Variants in BSPRY observed in about 807,000 individuals in gnomAD.
BSPRY encodes the protein B box and SPRY domain-containing protein.
Under a neutral mutation model 38.0 loss-of-function variants are expected in BSPRY, and 33 were observed. The ratio of observed to expected loss-of-function variants is 0.87; its 90% confidence interval spans 0.66 to 1.16. The LOEUF is 1.16. Ranked by LOEUF, BSPRY falls within the 50% of genes most tolerant of loss-of-function variation. The probability of loss-of-function intolerance (pLI) is 0.00; values close to 1 mark genes in which losing one functional copy is unlikely to be tolerated. For missense variants in BSPRY, 523 were observed against 533.2 expected, an observed-to-expected ratio of 0.98 and a Z score of 0.19; for synonymous variants, 224 against 228.5, an observed-to-expected ratio of 0.98 and a Z score of 0.18.
chr9:113,360,448 T>C (rs1357493059), intron 2 of BSPRY, 59 bp from the exon 3 acceptor site: 2 of 1,517,938 alleles, frequency 1.3e-6, no homozygotes, highest in Non-Finnish European at 1.8e-6. Context: ...CTAAACCCTC[T>C]TAAATCCTGA....
chr9:113,358,804 A>C (rs1214886918), intron 2 of BSPRY, among the ~76,000 whole-genome samples: 1 of 152,190 alleles, frequency 6.6e-6, no homozygotes, highest in African/African-American at 2.4e-5. Flanking sequence ...ATCCAGGATC[A>C]CACAGTACAA....
At chr9:113,351,083 G>A (rs1446312866) in intron 1 of BSPRY, among the ~76,000 whole-genome samples, 2 of 152,184 alleles carry the variant, frequency 1.3e-5, no homozygotes, top group Non-Finnish European at 2.9e-5. Flanking sequence ...GAGGGAGGAA[G>A]TGATGCTAAT....
chr9:113,354,288 A>G lies in BSPRY; in HGVS notation c.250A>G (p.Ile84Val), dbSNP rs762404330. Residue 84 changes from isoleucine (I) to valine (V), a missense_variant, in exon 2 of 6, where the codon ATC (isoleucine) becomes GTC (valine). Coordinates refer to ENST00000374183, the MANE Select transcript of BSPRY (RefSeq NM_017688.3). ...CERLQLQSAA[I>V]TKYVADVLPG... ...GAGGCTGCAGTTACAGAGTGCTGCC[A>G]TCACCAAGTATGTGGCGGACGTCCT... The G allele has an allele frequency of 4.3e-6, 7 of 1,614,088 alleles. No homozygotes were observed. The Admixed American group carries it at 1.2e-4, about 27-fold the overall frequency.
intron 4 of BSPRY, among the ~76,000 whole-genome samples, chr9:113,366,192 C>G (rs1834248121): frequency 6.6e-6 from 1 of 152,148 alleles, no homozygotes; most frequent in African/African-American, 2.4e-5. Context: ...TGTTATTTTA[C>G]AGTGAGGACT....
chr9:113,354,360 C>T (rs987551579), intron 2 of BSPRY, 22 bp downstream of exon 2: 4 of 1,595,940 alleles, frequency 2.5e-6, no homozygotes, highest in Non-Finnish European at 2.6e-6. Context: ...TCTTTCCTCT[C>T]TACTCAGCCC....
chr9:113,368,118 G>A, intron 4 of BSPRY, 141 bp from the exon 5 acceptor site: 1 of 1,023,842 alleles, frequency 9.8e-7, no homozygotes. Context: ...ACAGGGGTGA[G>A]CCACTGCACC....
chr9:113,350,938 A>G (rs943921936), intron 1 of BSPRY, among the ~76,000 whole-genome samples: 3 of 152,212 alleles, frequency 2.0e-5, no homozygotes, highest in African/African-American at 7.2e-5. Context: ...AAGGGGTCCT[A>G]CCTACATTTT....
At chr9:113,359,718 G>A (rs1035305193) in intron 2 of BSPRY, among the ~76,000 whole-genome samples, 6 of 152,136 alleles carry the variant, frequency 3.9e-5, no homozygotes, top group Non-Finnish European at 7.4e-5. Flanking sequence ...TGAGCACTAT[G>A]AAGAGATCTT....
At chr9:113,353,156 G>C (rs10117953) in intron 1 of BSPRY, among the ~76,000 whole-genome samples, 82,385 of 151,434 alleles carry the variant, frequency 0.54, 22,707 homozygotes, top group South Asian at 0.64. Flanking sequence ...GGGGGGCTGA[G>C]GCGGGAGGAT....
At chr9:113,367,491 T>C (rs1432018135) in intron 4 of BSPRY, among the ~76,000 whole-genome samples, 1 of 152,146 alleles carries the variant, frequency 6.6e-6, no homozygotes, top group Non-Finnish European at 1.5e-5. Context: ...TGGCTGTACC[T>C]TCTGACAAAA....
At chr9:113,366,643 T>A (rs1039237888) in intron 4 of BSPRY, among the ~76,000 whole-genome samples, 4 of 152,202 alleles carry the variant, frequency 2.6e-5, no homozygotes, top group African/African-American at 9.6e-5. Context: ...CAGCCTCACA[T>A]TTGCCCTGGG....
chr9:113,366,658 C>G (rs1203607542), intron 4 of BSPRY, among the ~76,000 whole-genome samples: 1 of 152,224 alleles, frequency 6.6e-6, no homozygotes, highest in Non-Finnish European at 1.5e-5. Context: ...CCTGGGATGA[C>G]AGCTTAGCAC....
chr9:113,363,694 C>A (rs1018828925), intron 4 of BSPRY, among the ~76,000 whole-genome samples: 7 of 148,162 alleles, frequency 4.7e-5, no homozygotes, highest in African/African-American at 1.7e-4. Context: ...CAGCCTGGGC[C>A]AAGATAGTGA....
intron 2 of BSPRY, among the ~76,000 whole-genome samples, chr9:113,354,677 A>G (rs960561717): frequency 2.6e-5 from 4 of 152,138 alleles, no homozygotes; most frequent in Non-Finnish European, 4.4e-5. Context: ...CTCTGTGACA[A>G]TCTTATGAAG....
At chr9:113,351,966 C>T (rs60528957) in intron 1 of BSPRY, among the ~76,000 whole-genome samples, 14,799 of 152,036 alleles carry the variant, frequency 0.097, 749 homozygotes, top group Non-Finnish European at 0.11. Context: ...CATGCCACTA[C>T]GCCTGGCTAA....
In BSPRY at chr9:113,354,464, C is replaced by T. The variant is rs371028609; in HGVS notation, c.300+126C>T. ...TCATTGTGCTACTAGCAAAGCTTCT[C>T]ATCCCTCAGAGACTCAATTTTACCA... On this transcript the variant is annotated intron_variant, in intron 2 of 5. Transcript: ENST00000374183. 1.0e-4 allele frequency: 73 copies of T among 716,382 alleles called. 2 individuals are homozygous for T. Among genetic ancestry groups the T allele is most frequent in the East Asian group, 4.6e-4 (17 of 36,824 alleles). The allele number at this position is 716,382 out of a possible 1,614,324, so 44.4% of individuals were successfully genotyped here. A position where few individuals can be genotyped will look rare whatever the true frequency, so the allele number is the denominator to read the frequency against.
chr9:113,355,093 G>A (rs1301598401), intron 2 of BSPRY, among the ~76,000 whole-genome samples: 2 of 152,222 alleles, frequency 1.3e-5, no homozygotes, highest in East Asian at 3.8e-4. Flanking sequence ...CTGGGCTTAA[G>A]CCAACCTCCC....
In BSPRY at chr9:113,369,596, C is replaced by T; in HGVS notation, c.683-20C>T. On this transcript the variant is annotated intron_variant, in intron 5 of 5. Coordinates refer to ENST00000374183, the MANE Select transcript of BSPRY (RefSeq NM_017688.3). ...GGGCAGGGGTGGGCCCTCGGCAACT[C>T]TGAGAATTCTTTCTGGCAGGCACAG... 1 of 1,588,874 alleles carries T rather than the reference C, an allele frequency of 6.3e-7. No homozygotes were observed. The highest frequency in any genetic ancestry group is 1.1e-5 in the South Asian group (1 of 87,152).
intron 2 of BSPRY, among the ~76,000 whole-genome samples, chr9:113,356,843 G>A (rs898773607): frequency 3.3e-5 from 5 of 152,224 alleles, no homozygotes; most frequent in Non-Finnish European, 5.9e-5. Context: ...GATGGTTGGC[G>A]GAGGCAGGGA....
Sources: allele counts gnomAD v4.1 joint callset (sites outside exome capture counted in the v4.1 genomes callset), GRCh38; gene constraint gnomAD v4.1.1; transcripts MANE v1.5; gene names NCBI Gene and HGNC (gene_info 2026-07-23, HGNC 2026-07-21).